Variants in CDH4 observed in about 807,000 individuals in gnomAD.
CDH4 encodes cadherin 4.
Under a neutral mutation model 86.0 loss-of-function variants are expected in CDH4, and 33 were observed. That is an observed-to-expected ratio of 0.38 (90% CI 0.29 to 0.51). CDH4 has a LOEUF of 0.51. Among genes scored for constraint, CDH4 ranks in the 20% least tolerant of loss-of-function variants. CDH4 has a pLI of 0.86. For missense variants in CDH4, 1,114 were observed against 1,307.4 expected (o/e 0.85, Z 2.28); for synonymous variants, 555 against 549.4 (o/e 1.01, Z -0.14).
intron 3 of CDH4, among the ~76,000 whole-genome samples, chr20:61,765,416 C>A (rs1568803202): frequency 6.6e-6 from 1 of 152,220 alleles, no homozygotes. Flanking sequence ...GTACATGATA[C>A]TGAGGCCAGG....
intron 2 of CDH4, among the ~76,000 whole-genome samples, chr20:61,394,421 G>T (rs1260401622): frequency 6.6e-6 from 1 of 152,190 alleles, no homozygotes; most frequent in Non-Finnish European, 1.5e-5. Flanking sequence ...AAAGTCGGTT[G>T]TTCCCATCTT....
At chr20:61,700,908 C>A (rs577801979) in intron 2 of CDH4, among the ~76,000 whole-genome samples, 6 of 152,344 alleles carry the variant, frequency 3.9e-5, no homozygotes, top group African/African-American at 1.2e-4. Flanking sequence ...GCGGCTCCCC[C>A]CTTTTTTGCA....
chr20:61,600,082 G>T, intron 2 of CDH4: 1 of 503,042 alleles, frequency 2.0e-6, no homozygotes, highest in Non-Finnish European at 2.6e-6. Context: ...TCCGGGGATG[G>T]TTTTCAAAAC....
chr20:61,802,004 G>A (rs976692120), intron 4 of CDH4, among the ~76,000 whole-genome samples: 2 of 152,260 alleles, frequency 1.3e-5, no homozygotes, highest in African/African-American at 4.8e-5. Flanking sequence ...ATAAGAGAAT[G>A]CCATGGAGTT....
intron 2 of CDH4, among the ~76,000 whole-genome samples, chr20:61,363,340 C>T (rs547716647): frequency 1.3e-5 from 2 of 152,206 alleles, no homozygotes; most frequent in South Asian, 4.2e-4. Context: ...GATATAACGG[C>T]CAGGAAAACA....
At chr20:61,730,297 C>T (rs1304242156) in intron 2 of CDH4, among the ~76,000 whole-genome samples, 1 of 152,154 alleles carries the variant, frequency 6.6e-6, no homozygotes, top group Admixed American at 6.5e-5. Context: ...TGCTTCCCTG[C>T]CTGAAAGTCC....
intron 2 of CDH4, among the ~76,000 whole-genome samples, chr20:61,411,626 T>A (rs932864418): frequency 6.6e-6 from 1 of 152,000 alleles, no homozygotes; most frequent in Non-Finnish European, 1.5e-5. Context: ...ATGCTCCATG[T>A]CTACGTTGAA....
intron 4 of CDH4, among the ~76,000 whole-genome samples, chr20:61,802,360 C>A (rs1323772843): frequency 1.3e-5 from 2 of 152,220 alleles, no homozygotes; most frequent in East Asian, 1.9e-4. Flanking sequence ...GCCCACCCTG[C>A]AGCCACCCTG....
chr20:61,613,221 C>T (rs2086699009), intron 2 of CDH4, among the ~76,000 whole-genome samples: 1 of 152,092 alleles, frequency 6.6e-6, no homozygotes, highest in Non-Finnish European at 1.5e-5. Flanking sequence ...CTAGTCTTTA[C>T]CCAAGTGCTT....
intron 2 of CDH4, among the ~76,000 whole-genome samples, chr20:61,262,149 A>G (rs1490405053): frequency 2.0e-5 from 3 of 152,110 alleles, no homozygotes; most frequent in Non-Finnish European, 2.9e-5. Context: ...AACCTTAGTG[A>G]GGCCGGTTAC....
intron 2 of CDH4, among the ~76,000 whole-genome samples, chr20:61,388,315 C>T (rs1035355446): frequency 6.6e-6 from 1 of 152,118 alleles, no homozygotes; most frequent in African/African-American, 2.4e-5. Flanking sequence ...TCTCACTTTT[C>T]GCCTTTCCTG....
At chr20:61,351,356 G>A (rs551236480) in intron 2 of CDH4, among the ~76,000 whole-genome samples, 2 of 152,304 alleles carry the variant, frequency 1.3e-5, no homozygotes, top group South Asian at 4.2e-4. Flanking sequence ...ATGCGAGGGG[G>A]TGCCTGGATT....
chr20:61,391,459 T>C (rs1451547072), intron 2 of CDH4, among the ~76,000 whole-genome samples: 2 of 152,178 alleles, frequency 1.3e-5, no homozygotes, highest in African/African-American at 4.8e-5. Flanking sequence ...AACCGCTTTA[T>C]TGGACTAAGG....
chr20:61,407,371 G>A (rs915362901), intron 2 of CDH4, among the ~76,000 whole-genome samples: 3 of 152,314 alleles, frequency 2.0e-5, no homozygotes, highest in South Asian at 4.1e-4. Context: ...TCTAGCGGTT[G>A]ATGCCACCTT....
intron 2 of CDH4, among the ~76,000 whole-genome samples, chr20:61,277,071 T>C (rs1317120384): frequency 6.6e-6 from 1 of 152,334 alleles, no homozygotes; most frequent in Admixed American, 6.5e-5. Context: ...GCACCAGCAC[T>C]GGTCTGCCTG....
chr20:61,367,781 G>A (rs1007829740), intron 2 of CDH4, among the ~76,000 whole-genome samples: 7 of 151,680 alleles, frequency 4.6e-5, no homozygotes, highest in Admixed American at 1.3e-4. Flanking sequence ...AGAAGCCTCC[G>A]TAGATGCTGA....
intron 9 of CDH4, among the ~76,000 whole-genome samples, chr20:61,922,604 G>A (rs1027547882): frequency 6.6e-6 from 1 of 152,168 alleles, no homozygotes; most frequent in Non-Finnish European, 1.5e-5. Flanking sequence ...TCAAGGTGCC[G>A]GCAGGAACGG....
rs78688375 is a variant in CDH4, at chr20:61,860,033, G to A, written c.877+7135G>A. Among the ~76,000 whole-genome samples the A allele has an allele frequency of 4.3e-3, 662 of 152,388 alleles. 3 individuals are homozygous for A. The highest frequency in any genetic ancestry group is 5.0e-3 in the Non-Finnish European group (339 of 68,040). ...TCACACATCTTCAGTAAAAGAACAAGGACAGTGCCTGCCTCATGGGCGGGG... is the reference window on the plus strand; with the variant it reads ...TCACACATCTTCAGTAAAAGAACAAAGACAGTGCCTGCCTCATGGGCGGGG... On this transcript the variant is annotated intron_variant, in intron 6 of 15. Coordinates refer to ENST00000614565, the MANE Select transcript of CDH4 (RefSeq NM_001794.5).
At chr20:61,779,432 G>T (rs1978420920) in intron 4 of CDH4, among the ~76,000 whole-genome samples, 1 of 152,306 alleles carries the variant, frequency 6.6e-6, no homozygotes, top group Admixed American at 6.5e-5. Flanking sequence ...GAGGTGCTTA[G>T]GTCGCTCGGA....
Sources: allele counts gnomAD v4.1 joint callset (sites outside exome capture counted in the v4.1 genomes callset), GRCh38; gene constraint gnomAD v4.1.1; transcripts MANE v1.5; gene names NCBI Gene and HGNC (gene_info 2026-07-23, HGNC 2026-07-21).